The following AK7 variants were observed in gnomAD, a reference collection of about 807,000 sequenced individuals.
The protein encoded by AK7 is adenylate kinase 7.
A neutral mutation model predicts 96.6 loss-of-function variants in AK7; 78 were observed. That is an observed-to-expected ratio of 0.81 (90% confidence interval 0.67 to 0.97). The LOEUF (loss-of-function observed/expected upper bound fraction) is 0.97, where lower values mean the gene tolerates loss of function less well. Ranked by LOEUF, AK7 falls within the 50% of genes least tolerant of loss-of-function variation. AK7 has a pLI of 0.00. For synonymous variants in AK7, 302 were observed against 317.2 expected, an observed-to-expected ratio of 0.95 and a Z score of 0.51; for missense variants, 855 against 887.9, an observed-to-expected ratio of 0.96 and a Z score of 0.47.
intron 15 of AK7, among the ~76,000 whole-genome samples, chr14:96,482,061 C>G (rs1197471835): frequency 6.6e-6 from 1 of 152,154 alleles, no homozygotes; most frequent in Non-Finnish European, 1.5e-5. Context: ...CTCCTCCCCT[C>G]TTCCCATATT....
intron 6 of AK7, among the ~76,000 whole-genome samples, chr14:96,440,873 G>T (rs941490550): frequency 1.3e-5 from 2 of 152,152 alleles, no homozygotes; most frequent in African/African-American, 2.4e-5. Flanking sequence ...AAAGATGTGG[G>T]TAAGCCAGGC....
chr14:96,446,170 G>C (rs1426435102), intron 7 of AK7, among the ~76,000 whole-genome samples: 4 of 152,150 alleles, frequency 2.6e-5, no homozygotes, highest in Admixed American at 2.6e-4. Context: ...ATAAACTGGG[G>C]TCCTGCTGGG....
chr14:96,409,333 A>G (rs1317246969), intron 4 of AK7, among the ~76,000 whole-genome samples: 1 of 152,234 alleles, frequency 6.6e-6, no homozygotes, highest in Non-Finnish European at 1.5e-5. Flanking sequence ...GCACTTTGGG[A>G]GGCCGAGGCG....
At chr14:96,458,329 C>T in intron 12 of AK7, 117 bp downstream of exon 12, 2 of 1,342,550 alleles carry the variant, frequency 1.5e-6, no homozygotes, top group Non-Finnish European at 2.0e-6. Flanking sequence ...GGCGCCATGG[C>T]TCATGCCTGT....
At chr14:96,481,996 G>GTT (rs1383261488) in intron 15 of AK7, among the ~76,000 whole-genome samples, 1 of 152,088 alleles carries the variant, frequency 6.6e-6, no homozygotes, top group Non-Finnish European at 1.5e-5. Flanking sequence ...ATGGCCAGCT[G>GTT]TTTTTTGCTT....
chr14:96,458,403 C>T (rs1302310539), intron 12 of AK7, among the ~76,000 whole-genome samples, 191 bp downstream of exon 12: 1 of 151,980 alleles, frequency 6.6e-6, no homozygotes, highest in Non-Finnish European at 1.5e-5. Context: ...TGAGACCAGC[C>T]TGAGCAGCAT....
chr14:96,407,488 A>G (rs749514418), intron 3 of AK7, among the ~76,000 whole-genome samples: 1 of 152,082 alleles, frequency 6.6e-6, no homozygotes, highest in Non-Finnish European at 1.5e-5. Flanking sequence ...TCATGATACT[A>G]AAATCATACC....
At chr14:96,454,150 C>T (rs954116088) in intron 10 of AK7, among the ~76,000 whole-genome samples, 3 of 152,192 alleles carry the variant, frequency 2.0e-5, no homozygotes, top group Non-Finnish European at 2.9e-5. Context: ...GTCTTGGTTT[C>T]CTCACCTGTC....
At chr14:96,403,114 TTAAA>T (rs59930782) in intron 2 of AK7, among the ~76,000 whole-genome samples, 6,839 of 140,274 alleles carry the variant, frequency 0.049, 203 homozygotes, top group South Asian at 0.1. Flanking sequence ...AGACTCTGTC[TTAAA>T]TAAATAAATA....
chr14:96,435,933 T>C (rs1221831550), intron 5 of AK7, among the ~76,000 whole-genome samples: 1 of 152,198 alleles, frequency 6.6e-6, no homozygotes, highest in Admixed American at 6.5e-5. Flanking sequence ...AACTGTTTTT[T>C]CTGGTTCTTC....
chr14:96,442,934 C>T (rs939358633), intron 7 of AK7, 116 bp downstream of exon 7: 6 of 920,814 alleles, frequency 6.5e-6, no homozygotes, highest in Non-Finnish European at 1.0e-5. Context: ...TTATTGTGTT[C>T]ATTCTTCGTA....
In AK7 at chr14:96,458,606, G is replaced by T. The variant is rs1295104559; in HGVS notation, c.1357+394G>T. ...AAATACAAAAAATTAGCCAGATGTG[G>T]TGCCGCACACCTGTAGTCCCAGCTA... On this transcript the variant is annotated intron_variant, in intron 12 of 17. Transcript: ENST00000267584. Among the ~76,000 whole-genome samples the T allele has an allele frequency of 2.6e-5, 4 of 151,884 alleles. No individual in the cohort carries two copies. In the East Asian group the frequency reaches 7.8e-4, roughly 29 times the overall value.
At chr14:96,476,401 A>G (rs1895181101) in intron 14 of AK7, among the ~76,000 whole-genome samples, 1 of 150,586 alleles carries the variant, frequency 6.6e-6, no homozygotes, top group South Asian at 2.1e-4. Flanking sequence ...GCTACTTGGG[A>G]GGCTGAGGCA....
chr14:96,404,284 G>A (rs909980402), intron 2 of AK7, among the ~76,000 whole-genome samples: 5 of 151,508 alleles, frequency 3.3e-5, no homozygotes, highest in Non-Finnish European at 7.4e-5. Context: ...GCTGTCAACT[G>A]TAATAAGGTA....
chr14:96,398,025 CCT>C (rs1397641114), intron 1 of AK7, 48 bp from the exon 2 acceptor site: 2 of 1,571,864 alleles, frequency 1.3e-6, no homozygotes, highest in Non-Finnish European at 1.7e-6. Flanking sequence ...TCACTGGCCC[CCT>C]GACTCTAATT....
At chr14:96,397,694 C>CA (rs1226441260) in intron 1 of AK7, among the ~76,000 whole-genome samples, 1 of 152,212 alleles carries the variant, frequency 6.6e-6, no homozygotes, top group Non-Finnish European at 1.5e-5. Context: ...CCAGCCTAGG[C>CA]AACATAGCAA....
chr14:96,403,314 A>T (rs1890525759), intron 2 of AK7, among the ~76,000 whole-genome samples: 1 of 151,898 alleles, frequency 6.6e-6, no homozygotes, highest in South Asian at 2.1e-4. Flanking sequence ...GCCAGCAAAC[A>T]AGCAGAAGCT....
chr14:96,451,486 T>C lies in AK7; in HGVS notation c.1014T>C (p.Phe338=). Residue 338 remains phenylalanine (F), a synonymous_variant, in exon 10 of 18, where the codon TTT becomes TTC. Transcript: ENST00000267584. ...AAGCGCTCTTTGTGAAGGAGAATTT[T>C]AATATTCGATGGGCTGCCCAAACAG... The part of the protein sequence containing the change: ...RMEALFVKEN[F]NIRWAAQTGF... 7 of 1,603,718 alleles carry C rather than the reference T, an allele frequency of 4.4e-6. No individual in the cohort carries two copies. The highest frequency in any genetic ancestry group is 6.0e-6 in the Non-Finnish European group (7 of 1,174,352).
chr14:96,476,538 ATG>A (rs1426171281), intron 14 of AK7, among the ~76,000 whole-genome samples: 1 of 151,006 alleles, frequency 6.6e-6, no homozygotes, highest in Non-Finnish European at 1.5e-5. Context: ...TAGATTTTTC[ATG>A]TGATTCCAGA....
Sources: allele counts gnomAD v4.1 joint callset (sites outside exome capture counted in the v4.1 genomes callset), GRCh38; gene constraint gnomAD v4.1.1; transcripts MANE v1.5; gene names NCBI Gene and HGNC (gene_info 2026-07-23, HGNC 2026-07-21).